Variants in FBXL13 observed in about 807,000 individuals in gnomAD.
The protein encoded by FBXL13 is F-box and leucine rich repeat protein 13.
Under a neutral mutation model 83.6 loss-of-function variants are expected in FBXL13, and 67 were observed. That is an observed-to-expected ratio of 0.80 (90% confidence interval 0.66 to 0.98). The LOEUF (loss-of-function observed/expected upper bound fraction) is 0.98. Ranked by LOEUF, FBXL13 falls within the 50% of genes least tolerant of loss-of-function variation. The pLI, the probability that FBXL13 is intolerant of heterozygous loss-of-function variation, is 0.00. For synonymous variants in FBXL13, 272 were observed against 299.5 expected (o/e 0.91, Z 0.95); for missense variants, 822 against 866.5 (o/e 0.95, Z 0.64).
At chr7:103,073,753 C>T (rs1204336088) in intron 1 of FBXL13, among the ~76,000 whole-genome samples, 4 of 152,040 alleles carry the variant, frequency 2.6e-5, no homozygotes, top group Non-Finnish European at 5.9e-5. Context: ...CAATTACCAT[C>T]CAAAAAAGAG....
chr7:102,826,724 CATATATATATA>C (rs1326341575), intron 18 of FBXL13, among the ~76,000 whole-genome samples: 6 of 62,712 alleles, frequency 9.6e-5, no homozygotes, highest in African/African-American at 2.8e-4. Context: ...GACCCTGTCT[CATATATATATA>C]TATATATATA....
intron 18 of FBXL13, among the ~76,000 whole-genome samples, chr7:102,826,769 A>ATATATAATG (rs1414065543): frequency 9.9e-6 from 1 of 100,742 alleles, no homozygotes; most frequent in Non-Finnish European, 2.0e-5. Context: ...ATATATATAT[A>ATATATAATG]TATGTATATA....
rs141100726 is a variant in FBXL13, at chr7:103,052,055, C to T, written c.-1+3589G>A. Among the ~76,000 whole-genome samples the T allele has an allele frequency of 2.2e-4, 34 of 152,332 alleles. No individual in the cohort carries two copies. The East Asian group carries it at 6.2e-3, about 28-fold the overall frequency. ...TAACAGCACATATTGGCAGTCCTCA[C>T]TGTGCAGAACTGTGTAGTGTAAGAC... On this transcript the variant is annotated intron_variant, in intron 2 of 19. Transcript: ENST00000313221.
At chr7:103,053,036 C>T (rs1003677455) in intron 2 of FBXL13, among the ~76,000 whole-genome samples, 1 of 151,956 alleles carries the variant, frequency 6.6e-6, no homozygotes, top group Non-Finnish European at 1.5e-5. Flanking sequence ...GGATTACAGG[C>T]GTGAGCCACT....
At chr7:102,818,583 A>G (rs1798327714) in intron 19 of FBXL13, among the ~76,000 whole-genome samples, 2 of 152,258 alleles carry the variant, frequency 1.3e-5, no homozygotes, top group South Asian at 4.1e-4. Context: ...TTTTTTATCA[A>G]CACAGATCTC....
chr7:102,923,778 T>C (rs1273452281), intron 10 of FBXL13, among the ~76,000 whole-genome samples: 2 of 151,496 alleles, frequency 1.3e-5, no homozygotes, highest in African/African-American at 4.9e-5. Context: ...TGAGCCAAGA[T>C]TGCACCACTG....
At chr7:103,051,467 G>C (rs181564786) in intron 2 of FBXL13, among the ~76,000 whole-genome samples, 4 of 152,132 alleles carry the variant, frequency 2.6e-5, no homozygotes, top group African/African-American at 9.7e-5. Flanking sequence ...TGAAATCCGA[G>C]AGAGAGCTTA....
At chr7:102,926,014 G>A (rs999569797) in intron 10 of FBXL13, among the ~76,000 whole-genome samples, 1 of 151,648 alleles carries the variant, frequency 6.6e-6, no homozygotes, top group Non-Finnish European at 1.5e-5. Flanking sequence ...TGCCCAGAAT[G>A]GGGGACCAGA....
intron 6 of FBXL13, among the ~76,000 whole-genome samples, chr7:103,011,214 A>T (rs1440125144): frequency 3.3e-5 from 5 of 150,804 alleles, no homozygotes; most frequent in African/African-American, 1.2e-4. Context: ...GAGATGTCAG[A>T]TGTAGAATAA....
intron 9 of FBXL13, among the ~76,000 whole-genome samples, chr7:102,931,009 T>G (rs1442936664): frequency 6.6e-6 from 1 of 152,160 alleles, no homozygotes; most frequent in Non-Finnish European, 1.5e-5. Flanking sequence ...GCCAAAACCC[T>G]ATGGTTAAGG....
intron 18 of FBXL13, among the ~76,000 whole-genome samples, chr7:102,829,968 C>A (rs1483950644): frequency 2.0e-5 from 3 of 152,178 alleles, no homozygotes; most frequent in Non-Finnish European, 2.9e-5. Flanking sequence ...ACTCATCTGA[C>A]CCACAGTCTG....
chr7:102,867,171 T>C (rs144620024), intron 16 of FBXL13, among the ~76,000 whole-genome samples: 113 of 151,918 alleles, frequency 7.4e-4, no homozygotes, highest in Admixed American at 1.3e-3. Flanking sequence ...CCAGGGAACA[T>C]AGCAAGACCC....
chr7:102,936,952 A>T (rs1820441746), intron 8 of FBXL13, among the ~76,000 whole-genome samples: 1 of 152,094 alleles, frequency 6.6e-6, no homozygotes, highest in Non-Finnish European at 1.5e-5. Context: ...CTCTTGAAAA[A>T]CATCAGCTTA....
chr7:102,877,537 C>T, exon 16 of FBXL13: 1 of 1,611,300 alleles, frequency 6.2e-7, no homozygotes, highest in South Asian at 1.1e-5. Context: ...ATATCCAATT[C>T]CTTGGGCAGT....
chr7:103,031,770 A>C (rs987117700), intron 2 of FBXL13, among the ~76,000 whole-genome samples: 4 of 152,250 alleles, frequency 2.6e-5, no homozygotes, highest in African/African-American at 9.6e-5. Context: ...TGTGTAAATA[A>C]ATAATGAATT....
chr7:103,032,642 A>G (rs1794624295), intron 2 of FBXL13, among the ~76,000 whole-genome samples: 1 of 152,204 alleles, frequency 6.6e-6, no homozygotes, highest in Non-Finnish European at 1.5e-5. Context: ...CTCCTTTTCT[A>G]TATTTTCAAC....
intron 16 of FBXL13, among the ~76,000 whole-genome samples, chr7:102,856,213 A>T (rs1806029504): frequency 6.6e-6 from 1 of 152,220 alleles, no homozygotes; most frequent in South Asian, 2.1e-4. Context: ...TTCAAAACAA[A>T]GTCTGACCAA....
At chr7:103,036,183 C>T (rs763942114) in intron 2 of FBXL13, among the ~76,000 whole-genome samples, 5 of 152,150 alleles carry the variant, frequency 3.3e-5, no homozygotes, top group Non-Finnish European at 7.4e-5. Context: ...ATCACCCCCA[C>T]CACCCCACCA....
chr7:102,962,865 G>T (rs1825477045), intron 8 of FBXL13, among the ~76,000 whole-genome samples: 1 of 151,658 alleles, frequency 6.6e-6, no homozygotes, highest in Non-Finnish European at 1.5e-5. Flanking sequence ...ATAGCATCGG[G>T]AGACATACCT....
Sources: allele counts gnomAD v4.1 joint callset (sites outside exome capture counted in the v4.1 genomes callset), GRCh38; gene constraint gnomAD v4.1.1; transcripts MANE v1.5; gene names NCBI Gene and HGNC (gene_info 2026-07-23, HGNC 2026-07-21).